IGSF21: variants seen among roughly 807,000 people sequenced by gnomAD.
The protein encoded by IGSF21 is immunoglobin superfamily member 21.
IGSF21 carries 28 observed loss-of-function variants against 46.8 expected under a neutral mutation model. That is an observed-to-expected ratio of 0.60 (90% CI 0.44 to 0.82). The LOEUF is 0.82. Ranked by LOEUF, IGSF21 falls within the 40% of genes least tolerant of loss-of-function variation. IGSF21 has a pLI of 0.00. For synonymous variants in IGSF21, 284 were observed against 273.6 expected, an observed-to-expected ratio of 1.04 and a Z score of -0.38; for missense variants, 624 against 665.5, an observed-to-expected ratio of 0.94 and a Z score of 0.69.
rs563981927 is a variant in IGSF21, at chr1:18,158,555, T to A, written c.70+50357T>A. Among the ~76,000 whole-genome samples, 58 of 152,240 alleles carry A rather than the reference T, an allele frequency of 3.8e-4. 1 individual carries two copies. The highest frequency in any genetic ancestry group is 1.2e-4 in the Non-Finnish European group (8 of 67,996). On this transcript the variant is annotated intron_variant, in intron 1 of 9. Transcript: ENST00000251296. ...TGACCAGGGCAGCGTCGGGGAACAGTGCCTCCAGAAGCCATCCTTGCTGCC... is the reference window on the plus strand; with the variant it reads ...TGACCAGGGCAGCGTCGGGGAACAGAGCCTCCAGAAGCCATCCTTGCTGCC...
At position 18,365,072 on chromosome 1, in the gene IGSF21, G is replaced by A. The variant is rs1473880606; in HGVS notation, c.541-151G>A. 1.6e-6 allele frequency: 1 copy of A among 634,052 alleles called. No homozygotes were observed. The highest frequency in any genetic ancestry group is 2.8e-6 in the Non-Finnish European group (1 of 361,026). The allele number at this position is 634,052 out of a possible 1,614,324, so 39.3% of individuals were successfully genotyped here. ...ACACTGGCTCATAGTTCTTGGGGGT[G>A]TTGAAGGGAAAAGAGTGGGGTGAGG... On this transcript the variant is annotated intron_variant, in intron 5 of 9. Transcript: ENST00000251296. This position sits in a 1 kb window ranked among gnomAD's most constrained non-coding sequence, Gnocchi z 4.8.
intron 4 of IGSF21, among the ~76,000 whole-genome samples, chr1:18,359,442 A>AAG (rs1212987850): frequency 1.2e-4 from 13 of 106,026 alleles, no homozygotes; most frequent in African/African-American, 3.6e-4. Context: ...AAGGAAGGAA[A>AAG]AGAGAAAGAA....
At chr1:18,328,003 A>ATGTT (rs1425959587) in intron 3 of IGSF21, among the ~76,000 whole-genome samples, 1 of 152,226 alleles carries the variant, frequency 6.6e-6, no homozygotes, top group African/African-American at 2.4e-5. Context: ...GATGAGATTG[A>ATGTT]TGTTTGTTTT....
At chr1:18,195,280 C>T (rs1426130883) in intron 1 of IGSF21, among the ~76,000 whole-genome samples, 1 of 152,188 alleles carries the variant, frequency 6.6e-6, no homozygotes, top group Non-Finnish European at 1.5e-5. Context: ...TCTACACAGC[C>T]AAGCTGTCTC....
At chr1:18,168,692 C>T (rs1161299631) in intron 1 of IGSF21, among the ~76,000 whole-genome samples, 1 of 152,246 alleles carries the variant, frequency 6.6e-6, no homozygotes, top group Non-Finnish European at 1.5e-5. Flanking sequence ...CCGAATTAAC[C>T]TGCTGCATGC....
intron 1 of IGSF21, among the ~76,000 whole-genome samples, chr1:18,128,642 GA>G (rs1315295115): frequency 6.6e-6 from 1 of 152,150 alleles, no homozygotes; most frequent in Non-Finnish European, 1.5e-5. Context: ...AATTCTTGCA[GA>G]ACTCCACGTG....
At chr1:18,310,304 C>T (rs1256944695) in intron 3 of IGSF21, among the ~76,000 whole-genome samples, 1 of 152,152 alleles carries the variant, frequency 6.6e-6, no homozygotes, top group Non-Finnish European at 1.5e-5. Context: ...CATGAGGTTT[C>T]CTTCCACCAA....
chr1:18,320,234 A>T (rs1386642303), intron 3 of IGSF21, among the ~76,000 whole-genome samples: 1 of 152,144 alleles, frequency 6.6e-6, no homozygotes, highest in Non-Finnish European at 1.5e-5. Context: ...GTTTTGACAA[A>T]GGGGCTGATA....
intron 4 of IGSF21, among the ~76,000 whole-genome samples, chr1:18,359,939 A>G (rs1419651495): frequency 6.6e-6 from 1 of 152,180 alleles, no homozygotes. Context: ...AGACTGCCTG[A>G]GTTCAAATCC....
At chr1:18,133,857 G>A (rs1324328923) in intron 1 of IGSF21, among the ~76,000 whole-genome samples, 1 of 152,236 alleles carries the variant, frequency 6.6e-6, no homozygotes, top group Non-Finnish European at 1.5e-5. Context: ...TTTACTTGTG[G>A]ATGAATAAAT....
At chr1:18,287,154 C>A (rs2085220102) in intron 2 of IGSF21, among the ~76,000 whole-genome samples, 1 of 141,816 alleles carries the variant, frequency 7.1e-6, no homozygotes, top group South Asian at 2.3e-4. Context: ...GCACTCCAGC[C>A]TGGGCGACAG....
intron 3 of IGSF21, among the ~76,000 whole-genome samples, chr1:18,318,421 G>A (rs866848765): frequency 6.6e-6 from 1 of 152,132 alleles, no homozygotes; most frequent in South Asian, 2.1e-4. Flanking sequence ...CACTTCTGCA[G>A]GCCTTGTCTC....
At chr1:18,171,030 G>A (rs1231853177) in intron 1 of IGSF21, among the ~76,000 whole-genome samples, 2 of 151,972 alleles carry the variant, frequency 1.3e-5, no homozygotes, top group Non-Finnish European at 2.9e-5. Flanking sequence ...GGCCCGTCGG[G>A]GAGGCTGCCT....
At chr1:18,291,809 G>C in intron 2 of IGSF21, 57 bp from the exon 3 acceptor site, 2 of 1,597,492 alleles carry the variant, frequency 1.3e-6, no homozygotes, top group South Asian at 2.3e-5. Flanking sequence ...CCTGGGGAAA[G>C]GGGTGACCAG....
In IGSF21 at chr1:18,337,706, GAGCCAGGATATATCCCA is replaced by G. The variant is rs965874302; in HGVS notation, c.424+2698_424+2714del. 6.6e-6 allele frequency among the ~76,000 whole-genome samples: 1 copy of G among 152,120 alleles called. No individual in the cohort carries two copies. Among genetic ancestry groups the G allele is most frequent in the African/African-American group, 2.4e-5 (1 of 41,418 alleles). ...TCCTGGCACCATGCACCTATGGAAG[GAGCCAGGATATATCCCA>G]ACTGTCATAATGATGGCAATGCCCC... On this transcript the variant is annotated intron_variant, in intron 4 of 9. Coordinates refer to ENST00000251296, the MANE Select transcript of IGSF21 (RefSeq NM_032880.5). This position sits in a 1 kb window ranked among gnomAD's most constrained non-coding sequence, Gnocchi z 5.7.
At chr1:18,153,301 T>A (rs934066836) in intron 1 of IGSF21, among the ~76,000 whole-genome samples, 4 of 152,204 alleles carry the variant, frequency 2.6e-5, no homozygotes, top group African/African-American at 9.6e-5. Flanking sequence ...TCCATCCCAT[T>A]AGCATCCACA....
intron 2 of IGSF21, among the ~76,000 whole-genome samples, chr1:18,247,048 CTTTT>C (rs34980016): frequency 4.9e-5 from 6 of 122,408 alleles, no homozygotes; most frequent in Non-Finnish European, 5.1e-5. Context: ...AGCTGGAATT[CTTTT>C]TTTTTTTTTT....
At chr1:18,217,115 G>C (rs1472296425) in intron 1 of IGSF21, among the ~76,000 whole-genome samples, 2 of 152,106 alleles carry the variant, frequency 1.3e-5, no homozygotes, top group African/African-American at 4.8e-5. Flanking sequence ...TGGAGCTGCT[G>C]CCAACCACCT....
At chr1:18,318,403 C>T (rs1301180047) in intron 3 of IGSF21, among the ~76,000 whole-genome samples, 1 of 152,126 alleles carries the variant, frequency 6.6e-6, no homozygotes, top group East Asian at 1.9e-4. Flanking sequence ...GCTTGCTGAG[C>T]CACAGATCAC....
Sources: allele counts gnomAD v4.1 joint callset (sites outside exome capture counted in the v4.1 genomes callset), GRCh38; gene constraint gnomAD v4.1.1; non-coding constraint Gnocchi (gnomAD v3.1); transcripts MANE v1.5; gene names NCBI Gene and HGNC (gene_info 2026-07-23, HGNC 2026-07-21).